The following CYP4X1 variants were observed in gnomAD, a reference collection of about 807,000 sequenced individuals.
The protein encoded by CYP4X1 is cytochrome P450 family 4 subfamily X member 1.
Under a neutral mutation model 57.9 loss-of-function variants are expected in CYP4X1, and 44 were observed. The ratio of observed to expected loss-of-function variants is 0.76; its 90% confidence interval spans 0.60 to 0.98. CYP4X1 has a LOEUF of 0.98. CYP4X1 is among the 50% of genes least tolerant of loss of function. The probability of loss-of-function intolerance (pLI) is 0.00; values close to 1 mark genes in which losing one functional copy is unlikely to be tolerated. For missense variants in CYP4X1, 532 were observed against 623.9 expected (o/e 0.85, Z 1.57); for synonymous variants, 227 against 228.6 (o/e 0.99, Z 0.06).
At chr1:46,969,664 C>T in the CYP4X1 span, among the ~76,000 whole-genome samples, 1 of 152,184 alleles carries the variant, frequency 6.6e-6, no homozygotes, top group Non-Finnish European at 1.5e-5. Context: ...TCCACAGAAG[C>T]AATTATAGAG....
chr1:47,023,872 G>A lies in CYP4X1; in HGVS notation c.55G>A (p.Val19Met). The stretch of plus-strand genomic sequence containing the variant: ...GGCGCGGCCCTTTTACCTGGCGTTC[G>A]TGTTCTGCCTGGCCCTGGGGCTGCT... ...RWARPFYLAF[V>M]FCLALGLLQA... Residue 19 changes from valine (V) to methionine (M), a missense_variant, in exon 1 of 12, where the codon GTG (valine) becomes ATG (methionine). Coordinates refer to ENST00000371901, the MANE Select transcript of CYP4X1 (RefSeq NM_178033.2). The A allele has an allele frequency of 6.2e-7, 1 of 1,613,698 alleles. No homozygotes were observed. Among genetic ancestry groups the A allele is most frequent in the Non-Finnish European group, 8.5e-7 (1 of 1,179,966 alleles).
At chr1:46,964,414 T>C in the CYP4X1 span, among the ~76,000 whole-genome samples, 1 of 152,136 alleles carries the variant, frequency 6.6e-6, no homozygotes, top group African/African-American at 2.4e-5. Flanking sequence ...ACAGGTGGGG[T>C]TTTGGTGTGG....
intron 8 of CYP4X1, 152 bp downstream of exon 8, chr1:47,039,684 C>T (rs1039887469): frequency 6.6e-6 from 3 of 458,002 alleles, no homozygotes; most frequent in Non-Finnish European, 1.1e-5. Flanking sequence ...CTAAAGAGAG[C>T]TCCAAATTAT....
chr1:47,039,720 A>G (rs1396048055), intron 8 of CYP4X1, 188 bp downstream of exon 8: 1 of 417,696 alleles, frequency 2.4e-6, no homozygotes, highest in African/African-American at 2.1e-5. Flanking sequence ...GAAAAAAAAA[A>G]AAAGTTTATT....
In CYP4X1 at chr1:47,050,300, TG is replaced by T; in HGVS notation, c.*127del. ...TGGAGGTTGGTGGGATAGGGGTCTC[TG>T]TGAAGAGATCCAAAATCATTTCTAG... On this transcript the variant is annotated 3_prime_UTR_variant, in exon 12 of 12. Transcript: ENST00000371901. 2.0e-6 allele frequency: 2 copies of T among 986,046 alleles called. No individual in the cohort carries two copies. The highest frequency in any genetic ancestry group is 3.0e-6 in the Non-Finnish European group (2 of 666,020). The allele number at this position is 986,046 out of a possible 1,614,324, so 61.1% of individuals were successfully genotyped here.
At chr1:47,026,319 G>T (rs1644063836) in intron 1 of CYP4X1, among the ~76,000 whole-genome samples, 1 of 152,092 alleles carries the variant, frequency 6.6e-6, no homozygotes, top group African/African-American at 2.4e-5. Context: ...TTGCATGCCT[G>T]TATCAAAAAC....
rs981453080 is a variant in CYP4X1, at chr1:47,039,325, T to G, written c.883-17T>G. On this transcript the variant is annotated splice_polypyrimidine_tract_variant and intron_variant, in intron 7 of 11. Coordinates refer to ENST00000371901, the MANE Select transcript of CYP4X1 (RefSeq NM_178033.2). ...AAACTGGCATTTTATTTAAAATATT[T>G]GTATTGTACTTTCTAGGATGAAAGT... 2.6e-6 allele frequency: 4 copies of G among 1,549,402 alleles called. No individual in the cohort carries two copies. The highest frequency in any genetic ancestry group is 2.6e-6 in the Non-Finnish European group (3 of 1,148,702).
chr1:47,003,297 C>G, the CYP4X1 span: 12 of 152,072 alleles, frequency 7.9e-5, no homozygotes, highest in Admixed American at 5.2e-4. Context: ...TTCTGTGGAC[C>G]TGGAAAGTGA....
intron 1 of CYP4X1, among the ~76,000 whole-genome samples, chr1:47,024,213 G>A (rs1644036494): frequency 6.6e-6 from 1 of 152,226 alleles, no homozygotes; most frequent in African/African-American, 2.4e-5. Context: ...AAAAGAGGAA[G>A]CTTTGGGGGC....
intron 9 of CYP4X1, among the ~76,000 whole-genome samples, chr1:47,048,241 C>T (rs1411936909): frequency 1.3e-5 from 2 of 152,154 alleles, no homozygotes; most frequent in Admixed American, 1.3e-4. Context: ...AGGCCAGACC[C>T]TGACTCTAAA....
chr1:47,013,264 G>C, the CYP4X1 span, among the ~76,000 whole-genome samples: 1 of 152,206 alleles, frequency 6.6e-6, no homozygotes, highest in African/African-American at 2.4e-5. Flanking sequence ...TCAAAAAGTG[G>C]TAGGGGAGAG....
At chr1:46,993,184 T>C in the CYP4X1 span, among the ~76,000 whole-genome samples, 5 of 150,374 alleles carry the variant, frequency 3.3e-5, no homozygotes, top group African/African-American at 1.2e-4. Context: ...CATGCGGTGT[T>C]TGGTTTTTTG....
the CYP4X1 span, chr1:46,961,817 C>T: frequency 7.9e-7 from 1 of 1,259,026 alleles, no homozygotes; most frequent in Non-Finnish European, 1.0e-6. Flanking sequence ...TGGATGACCT[C>T]TGCCCTGCCC....
chr1:46,985,172 G>T, the CYP4X1 span, among the ~76,000 whole-genome samples: 1 of 152,070 alleles, frequency 6.6e-6, no homozygotes, highest in Non-Finnish European at 1.5e-5. Context: ...CTCCTCTTTG[G>T]CCAGGGCATC....
the CYP4X1 span, among the ~76,000 whole-genome samples, chr1:46,963,474 G>T: frequency 1.9e-3 from 292 of 151,820 alleles, 1 homozygote; most frequent in African/African-American, 6.6e-3. Flanking sequence ...CTCAGCATTT[G>T]CTTGTCTGTA....
In CYP4X1 at chr1:47,023,949, C is replaced by A. The variant is rs757338909; in HGVS notation, c.132C>A (p.Arg44=). 3.1e-5 allele frequency: 50 copies of A among 1,613,240 alleles called. No individual in the cohort carries two copies. Among genetic ancestry groups the A allele is most frequent in the Non-Finnish European group, 3.9e-5 (46 of 1,179,942 alleles). The change falls in exon 1 of 12, where the codon CGC becomes CGA. Residue 44 remains arginine, a synonymous_variant. Transcript: ENST00000371901. ...LRRQRLLRDL[R]PFPAPPTHWF... The stretch of plus-strand genomic sequence containing the variant: ...GGCAGCGGCTGCTGCGGGACCTGCG[C>A]CCCTTCCCAGCGCCCCCCACCCACT...
intron 6 of CYP4X1, among the ~76,000 whole-genome samples, chr1:47,037,747 T>G (rs550674562): frequency 6.6e-6 from 1 of 152,156 alleles, no homozygotes; most frequent in South Asian, 2.1e-4. Context: ...GTACCCAGGT[T>G]GTAGAGAAAA....
intron 11 of CYP4X1, 70 bp from the exon 12 acceptor site, chr1:47,049,930 C>A: frequency 6.9e-7 from 1 of 1,447,350 alleles, no homozygotes; most frequent in Non-Finnish European, 9.6e-7. Context: ...ACTTATTGTA[C>A]TAGTATTTTA....
downstream of CYP4X1, among the ~76,000 whole-genome samples, chr1:47,052,196 G>A (rs187009317): frequency 9.3e-3 from 1,419 of 151,994 alleles, 18 homozygotes; most frequent in Non-Finnish European, 0.012. Flanking sequence ...TAGAAAAGAG[G>A]TCTGTTAAAT....
Sources: allele counts gnomAD v4.1 joint callset (sites outside exome capture counted in the v4.1 genomes callset), GRCh38; gene constraint gnomAD v4.1.1; transcripts MANE v1.5; gene names NCBI Gene and HGNC (gene_info 2026-07-23, HGNC 2026-07-21).